The following TMEM108 variants were observed in gnomAD, a reference collection of about 807,000 sequenced individuals.
The protein encoded by TMEM108 is cancer/testis antigen 124.
In TMEM108, 12 loss-of-function variants were observed where a neutral mutation model predicts 35.1. The observed-to-expected ratio is 0.34, with a 90% confidence interval of 0.22 to 0.55. The LOEUF is 0.55. Ranked by LOEUF, TMEM108 falls within the 20% of genes least tolerant of loss-of-function variation. TMEM108 has a pLI of 0.89. For synonymous variants in TMEM108, 287 were observed against 308.6 expected, an observed-to-expected ratio of 0.93 and a Z score of 0.73; for missense variants, 680 against 753.3, an observed-to-expected ratio of 0.90 and a Z score of 1.14.
chr3:133,168,070 C>T lies in TMEM108; in HGVS notation c.-46-61196C>T, dbSNP rs571680418. Among the ~76,000 whole-genome samples, 3 of 152,268 alleles carry T rather than the reference C, an allele frequency of 2.0e-5. No individual in the cohort carries two copies. In the East Asian group the frequency reaches 5.8e-4, roughly 29 times the overall value. ...GTCAGTCTTATGATCTCTGTTTTGA[C>T]ATTAATGCTGGCCAGTTGTGTCTAA... On this transcript the variant is annotated intron_variant, in intron 2 of 5. Coordinates refer to ENST00000321871, the MANE Select transcript of TMEM108 (RefSeq NM_023943.4).
At chr3:133,088,448 G>A (rs1223119652) in intron 2 of TMEM108, among the ~76,000 whole-genome samples, 1 of 152,204 alleles carries the variant, frequency 6.6e-6, no homozygotes, top group Non-Finnish European at 1.5e-5. Context: ...ATGTGGGGTG[G>A]TAGGAATAGA....
intron 3 of TMEM108, chr3:133,378,285 G>A (rs148003892): frequency 1.1e-6 from 1 of 942,812 alleles, no homozygotes; most frequent in Admixed American, 6.2e-5. Flanking sequence ...CGGTGATCCT[G>A]GGCCTTGTGT....
chr3:133,174,789 G>C (rs1412832484), intron 2 of TMEM108, among the ~76,000 whole-genome samples: 1 of 152,184 alleles, frequency 6.6e-6, no homozygotes, highest in African/African-American at 2.4e-5. Flanking sequence ...CCAAAGGAAC[G>C]CAGCTCCTCA....
chr3:133,354,428 C>G (rs2107777739), intron 3 of TMEM108, among the ~76,000 whole-genome samples: 1 of 152,336 alleles, frequency 6.6e-6, no homozygotes, highest in South Asian at 2.1e-4. Context: ...ACATCTAGAA[C>G]ATTGAATCGC....
intron 2 of TMEM108, among the ~76,000 whole-genome samples, chr3:133,098,134 G>T (rs1442040449): frequency 6.6e-6 from 1 of 152,186 alleles, no homozygotes; most frequent in African/African-American, 2.4e-5. Context: ...ACAAAAAGAG[G>T]TTTAAATGGA....
chr3:133,074,197 A>G (rs1045181905), intron 2 of TMEM108: 3 of 152,168 alleles, frequency 2.0e-5, no homozygotes, highest in Non-Finnish European at 2.9e-5. Context: ...GAACCAAGAA[A>G]TAGCATTTTA....
intron 3 of TMEM108, 59 bp from the exon 4 acceptor site, chr3:133,379,693 G>C: frequency 6.5e-7 from 1 of 1,547,052 alleles, no homozygotes; most frequent in Non-Finnish European, 8.8e-7. Flanking sequence ...GGTAAGAAAG[G>C]CCCAGGCTGT....
At chr3:133,382,500 C>G (rs2073039060) in intron 4 of TMEM108, among the ~76,000 whole-genome samples, 1 of 152,244 alleles carries the variant, frequency 6.6e-6, no homozygotes, top group African/African-American at 2.4e-5. Context: ...GTAGCTTCTG[C>G]TTTGTCTCCC....
At position 133,397,677 on chromosome 3, in the gene TMEM108, T is replaced by C. The variant is rs2073324943; in HGVS notation, c.*1691T>C. On this transcript the variant is annotated 3_prime_UTR_variant, in exon 6 of 6. Coordinates refer to ENST00000321871, the MANE Select transcript of TMEM108 (RefSeq NM_023943.4). ...TAATATATGTAATCAAAGATACATATGTTATATATACATATGTGGATGTAT... is the reference window on the plus strand; with the variant it reads ...TAATATATGTAATCAAAGATACATACGTTATATATACATATGTGGATGTAT... 1 of 152,180 alleles carries C rather than the reference T, an allele frequency of 6.6e-6. No homozygotes were observed. The highest frequency in any genetic ancestry group is 1.5e-5 in the Non-Finnish European group (1 of 68,030). The allele number at this position is 152,180 out of a possible 1,614,324, so 9.4% of individuals were successfully genotyped here.
intron 2 of TMEM108, among the ~76,000 whole-genome samples, chr3:133,065,447 C>T (rs1206401353): frequency 1.3e-5 from 2 of 152,110 alleles, no homozygotes; most frequent in African/African-American, 4.8e-5. Context: ...CCACCTCTGA[C>T]CTAGTTTTGA....
chr3:133,378,464 T>C, intron 3 of TMEM108: 1 of 985,456 alleles, frequency 1.0e-6, no homozygotes, highest in Non-Finnish European at 1.2e-6. Flanking sequence ...CAGACAGAGA[T>C]CTCTCTCCAT....
At chr3:133,086,065 A>G (rs1943878027) in intron 2 of TMEM108, among the ~76,000 whole-genome samples, 1 of 152,186 alleles carries the variant, frequency 6.6e-6, no homozygotes, top group South Asian at 2.1e-4. Flanking sequence ...TTGCTTACTA[A>G]GGAGATATCA....
intron 3 of TMEM108, among the ~76,000 whole-genome samples, chr3:133,270,821 TCACA>T (rs1946760783): frequency 7.4e-6 from 1 of 136,024 alleles, no homozygotes; most frequent in Non-Finnish European, 1.6e-5. Flanking sequence ...ACACACACAC[TCACA>T]CACTCACACA....
chr3:133,138,192 G>A (rs75239057), intron 2 of TMEM108, among the ~76,000 whole-genome samples: 1,686 of 152,204 alleles, frequency 0.011, 48 homozygotes, highest in East Asian at 0.092. Flanking sequence ...CTAGGAATCC[G>A]GAGTTGAGAA....
chr3:133,316,718 A>C (rs1417361135), intron 3 of TMEM108, among the ~76,000 whole-genome samples: 3 of 152,364 alleles, frequency 2.0e-5, no homozygotes, highest in African/African-American at 2.4e-5. Flanking sequence ...CCCCTATCCA[A>C]ACAGCCTAGC....
Position 133,380,105 on chromosome 3 carries a change from C to A in TMEM108, c.394C>A (p.Arg132Ser), listed in dbSNP as rs150713321. 5.0e-6 allele frequency: 8 copies of A among 1,613,888 alleles called. No homozygotes were observed. The East Asian group carries it at 1.3e-4, about 27-fold the overall frequency. ...MATTSSKPEG[R>S]PRGQAAPTIL... is the part of the protein sequence containing the mutation. The stretch of plus-strand genomic sequence containing the variant: ...AACCACATCCTCCAAGCCAGAGGGC[C>A]GCCCTCGAGGGCAGGCTGCCCCCAC... The change falls in exon 4 of 6, where the codon CGC becomes AGC. Residue 132 changes from arginine (R) to serine (S), a missense_variant. By Grantham distance (110) the Arg-to-Ser change is moderately radical (BLOSUM62 -1). Coordinates refer to ENST00000321871, the MANE Select transcript of TMEM108 (RefSeq NM_023943.4). The surrounding 1 kb of genome is among the most constrained non-coding windows in gnomAD (Gnocchi z 5.3).
intron 2 of TMEM108, among the ~76,000 whole-genome samples, chr3:133,138,921 C>A (rs1944602557): frequency 1.3e-5 from 2 of 151,916 alleles, no homozygotes; most frequent in African/African-American, 4.8e-5. Flanking sequence ...CCCCTAGCTC[C>A]CCACCCCCCA....
chr3:133,267,727 T>C (rs957816301), intron 3 of TMEM108, among the ~76,000 whole-genome samples: 2 of 152,214 alleles, frequency 1.3e-5, no homozygotes, highest in South Asian at 4.1e-4. Flanking sequence ...GGCTAGAGGA[T>C]CTGCTTCTAA....
intron 3 of TMEM108, among the ~76,000 whole-genome samples, chr3:133,276,691 C>T (rs565421265): frequency 2.0e-5 from 3 of 152,076 alleles, no homozygotes; most frequent in South Asian, 2.1e-4. Flanking sequence ...AAGTGGTGGG[C>T]GTTTGTTGAG....
Sources: allele counts gnomAD v4.1 joint callset (sites outside exome capture counted in the v4.1 genomes callset), GRCh38; gene constraint gnomAD v4.1.1; non-coding constraint Gnocchi (gnomAD v3.1); transcripts MANE v1.5; gene names NCBI Gene and HGNC (gene_info 2026-07-23, HGNC 2026-07-21).